REEP1: variants seen among roughly 807,000 people sequenced by gnomAD.
REEP1 encodes the protein receptor expression-enhancing protein 1.
Under a neutral mutation model 40.3 loss-of-function variants are expected in REEP1, and 22 were observed. The ratio of observed to expected loss-of-function variants is 0.55; its 90% confidence interval spans 0.39 to 0.78. The LOEUF is 0.78. REEP1 is among the 30% of genes least tolerant of loss of function. REEP1 has a pLI of 0.00. For missense variants in REEP1, 280 were observed against 361.1 expected (o/e 0.78, Z 1.82); for synonymous variants, 116 against 139.2 (o/e 0.83, Z 1.17).
intron 6 of REEP1, among the ~76,000 whole-genome samples, chr2:86,230,415 T>G (rs567539529): frequency 1.3e-5 from 2 of 152,334 alleles, no homozygotes; most frequent in South Asian, 4.1e-4. Flanking sequence ...CTTCCTCCAC[T>G]GGGCTCACCT....
rs1410813631 is a variant in REEP1, at chr2:86,320,468, G to GA, written c.32+17010dup. ...AATACAAGCTCACAGTGAAAGAAAAGAAAAAATTACAAGACACATAACGCA... is the reference window on the plus strand; with the variant it reads ...AATACAAGCTCACAGTGAAAGAAAAGAAAAAAATTACAAGACACATAACGCA... On this transcript the variant is annotated intron_variant, in intron 1 of 8. Transcript: ENST00000538924. Among the ~76,000 whole-genome samples, 14 of 152,024 alleles carry GA rather than the reference G, an allele frequency of 9.2e-5. No homozygotes were observed. The East Asian group carries it at 2.5e-3, about 27-fold the overall frequency.
chr2:86,289,361 TG>T (rs1678574148), intron 1 of REEP1, among the ~76,000 whole-genome samples: 3 of 152,214 alleles, frequency 2.0e-5, no homozygotes, highest in Admixed American at 6.5e-5. Flanking sequence ...GCTCTCTATT[TG>T]ACTGATCTAC....
intron 1 of REEP1, among the ~76,000 whole-genome samples, chr2:86,285,884 C>A (rs1351782079): frequency 1.3e-5 from 2 of 152,134 alleles, no homozygotes; most frequent in Non-Finnish European, 2.9e-5. Context: ...GTCTAAAGCT[C>A]CTTTAATGCT....
intron 1 of REEP1, among the ~76,000 whole-genome samples, chr2:86,305,594 T>A (rs1346476067): frequency 6.6e-6 from 1 of 152,324 alleles, no homozygotes; most frequent in East Asian, 1.9e-4. Context: ...AAATGTCTGA[T>A]TCAGCAGGTC....
At chr2:86,268,455 G>A (rs916047409) in intron 2 of REEP1, among the ~76,000 whole-genome samples, 13 of 152,036 alleles carry the variant, frequency 8.6e-5, no homozygotes, top group African/African-American at 3.1e-4. Flanking sequence ...CTATATAAAG[G>A]AAACTATACA....
At chr2:86,332,939 C>G (rs538835966) in intron 1 of REEP1, among the ~76,000 whole-genome samples, 7 of 152,360 alleles carry the variant, frequency 4.6e-5, no homozygotes, top group South Asian at 2.1e-4. Flanking sequence ...GTCTCTTAGA[C>G]AGGGAGCTGG....
chr2:86,316,539 A>C (rs1351711183), intron 1 of REEP1, among the ~76,000 whole-genome samples: 4 of 104,236 alleles, frequency 3.8e-5, no homozygotes, highest in Admixed American at 1.2e-4. Flanking sequence ...CAAGAACGAA[A>C]CTCTGTCTCA....
intron 1 of REEP1, among the ~76,000 whole-genome samples, chr2:86,332,411 C>A (rs1335427345): frequency 6.7e-6 from 1 of 149,728 alleles, no homozygotes; most frequent in Non-Finnish European, 1.5e-5. Context: ...TCTCTCCTTT[C>A]CCTAGCCTCC....
intron 1 of REEP1, among the ~76,000 whole-genome samples, chr2:86,326,998 T>A (rs60474859): frequency 0.03 from 4,586 of 152,318 alleles, 120 homozygotes; most frequent in East Asian, 0.07. Context: ...GCTAGTGATT[T>A]TGACAGATCA....
intron 2 of REEP1, 94 bp from the exon 3 acceptor site, chr2:86,264,135 G>A: frequency 3.4e-6 from 3 of 875,860 alleles, no homozygotes; most frequent in Non-Finnish European, 5.8e-6. Context: ...CAGATACGGA[G>A]GCACGTCCAG....
rs1429938521 is a variant in REEP1 at position 86,214,620 on chromosome 2, TATGTC to T, written c.*2414_*2418del. ...TGTACACTTACAGGCTTTCACATTT[TATGTC>T]AGTTCATACACAAATGTACAACTTG... On this transcript the variant is annotated 3_prime_UTR_variant, in exon 9 of 9. Transcript: ENST00000538924. The T allele has an allele frequency of 1.4e-4, 21 of 152,676 alleles. No individual in the cohort carries two copies. The allele number at this position is 152,676 out of a possible 1,614,324, so 9.5% of individuals were successfully genotyped here.
chr2:86,228,369 C>T (rs13000103), intron 6 of REEP1, among the ~76,000 whole-genome samples: 71,210 of 151,654 alleles, frequency 0.47, 17,973 homozygotes, highest in Non-Finnish European at 0.58. Context: ...GCATCTTCCT[C>T]CCTTTTCTCA....
intron 1 of REEP1, among the ~76,000 whole-genome samples, chr2:86,300,689 T>G (rs1055497252): frequency 6.6e-6 from 1 of 152,198 alleles, no homozygotes; most frequent in African/African-American, 2.4e-5. Context: ...TCCCTGCCTC[T>G]TTACAATAAA....
intron 2 of REEP1, among the ~76,000 whole-genome samples, chr2:86,277,411 C>T (rs1348870501): frequency 6.6e-6 from 1 of 152,004 alleles, no homozygotes; most frequent in Non-Finnish European, 1.5e-5. Context: ...CAAAAATTAG[C>T]CAGGCATGGT....
At chr2:86,317,520 T>C (rs546952228) in intron 1 of REEP1, among the ~76,000 whole-genome samples, 2 of 152,282 alleles carry the variant, frequency 1.3e-5, no homozygotes, top group East Asian at 3.9e-4. Flanking sequence ...ACCAAGACAT[T>C]TGCCTTTTCG....
At chr2:86,294,803 G>A (rs2104438971) in intron 1 of REEP1, among the ~76,000 whole-genome samples, 1 of 152,202 alleles carries the variant, frequency 6.6e-6, no homozygotes, top group South Asian at 2.1e-4. Context: ...GATCTGAGAT[G>A]GCTTGGTTAT....
intron 5 of REEP1, among the ~76,000 whole-genome samples, chr2:86,246,000 G>A (rs1276560465): frequency 2.4e-4 from 36 of 152,026 alleles, no homozygotes; most frequent in East Asian, 1.9e-4. Flanking sequence ...TCCTGACCTC[G>A]TGATCCGCCC....
intron 1 of REEP1, among the ~76,000 whole-genome samples, chr2:86,297,163 G>C (rs975151569): frequency 7.9e-5 from 12 of 152,184 alleles, no homozygotes; most frequent in African/African-American, 2.9e-4. Flanking sequence ...TGCCCAGAGA[G>C]CTGGCCAGCA....
At chr2:86,250,190 T>C (rs1454061071) in intron 5 of REEP1, among the ~76,000 whole-genome samples, 2 of 152,154 alleles carry the variant, frequency 1.3e-5, no homozygotes, top group Non-Finnish European at 2.9e-5. Context: ...CCTGCAGAAG[T>C]TATTGTCAGA....
Sources: gnomAD v4.1 joint callset for allele counts (sites outside exome capture counted in the v4.1 genomes callset) on GRCh38, gnomAD v4.1.1 for gene constraint, MANE v1.5 for transcripts, NCBI Gene and HGNC (gene_info 2026-07-23, HGNC 2026-07-21) for gene names.